Variants in COL15A1 observed in about 807,000 individuals in gnomAD.
COL15A1 encodes the protein collagen alpha-1(XV) chain.
COL15A1 carries 111 observed loss-of-function variants against 165.9 expected under a neutral mutation model. The observed-to-expected ratio is 0.67, with a 90% CI of 0.57 to 0.78. COL15A1 has a LOEUF of 0.78. COL15A1 is among the 30% of genes least tolerant of loss of function. The pLI is 0.00. For synonymous variants in COL15A1, 659 were observed against 674.8 expected (o/e 0.98, Z 0.36); for missense variants, 1,745 against 1,789.7 (o/e 0.98, Z 0.45).
intron 39 of COL15A1, among the ~76,000 whole-genome samples, chr9:99,063,949 T>A (rs1294052571): frequency 6.6e-6 from 1 of 152,126 alleles, no homozygotes; most frequent in African/African-American, 2.4e-5. Context: ...GTCTCTCTAT[T>A]CCTTTGCTAG....
intron 2 of COL15A1, among the ~76,000 whole-genome samples, chr9:98,971,180 T>C (rs1838044456): frequency 1.3e-5 from 2 of 152,290 alleles, no homozygotes; most frequent in Admixed American, 1.3e-4. Flanking sequence ...CTGTGTCGCC[T>C]TGGAATGCTG....
rs974480059 is a variant in COL15A1, at chr9:98,985,741, A to G, written c.277A>G (p.Ile93Val). 1.2e-5 allele frequency: 19 copies of G among 1,614,078 alleles called. No individual in the cohort carries two copies. Among genetic ancestry groups the G allele is most frequent in the East Asian group, 4.5e-5 (2 of 44,898 alleles). Residue 93 changes from isoleucine to valine, a missense_variant, in exon 3 of 42, where the codon ATC becomes GTC. Ile to Val is a conservative substitution (Grantham distance 29, BLOSUM62 3). Coordinates refer to ENST00000375001, the MANE Select transcript of COL15A1 (RefSeq NM_001855.5). ...ATCCACCTTCTTCAGGGACTTCGCC[A>G]TCAGCGTCGTGGTGAAGCCCAGCAG... ...IPSTFFRDFA[I>V]SVVVKPSSTR...
Position 99,034,600 on chromosome 9 carries a change from A to G in COL15A1, c.2079+16A>G, listed in dbSNP as rs1305845766. The G allele has an allele frequency of 5.4e-6, 8 of 1,476,898 alleles. No homozygotes were observed. The African/African-American group carries it at 1.1e-4, about 21-fold the overall frequency. The allele number at this position is 1,476,898 out of a possible 1,614,324, so 91.5% of individuals were successfully genotyped here. ...TGGTGAAAAGGTAAAAAAAAAAAAA[A>G]AAAAAAAAAAAAAAGAACTTTCTTC... On this transcript the variant is annotated intron_variant, in intron 17 of 41. Coordinates refer to ENST00000375001, the MANE Select transcript of COL15A1 (RefSeq NM_001855.5).
At chr9:98,984,297 G>A (rs1223342377) in intron 2 of COL15A1, among the ~76,000 whole-genome samples, 1 of 152,230 alleles carries the variant, frequency 6.6e-6, no homozygotes, top group Non-Finnish European at 1.5e-5. Flanking sequence ...GTGGGTGCAT[G>A]TTGCTGCAAG....
Position 99,017,729 on chromosome 9 carries a change from C to T in COL15A1, c.1647+1610C>T, listed in dbSNP as rs111451166. 2.2e-4 allele frequency among the ~76,000 whole-genome samples: 33 copies of T among 152,124 alleles called. 1 individual carries two copies. Among genetic ancestry groups the T allele is most frequent in the African/African-American group, 7.7e-4 (32 of 41,406 alleles). On this transcript the variant is annotated intron_variant, in intron 11 of 41. Coordinates refer to ENST00000375001, the MANE Select transcript of COL15A1 (RefSeq NM_001855.5). ...GTCCCCCTGCTCTTCTGCACCTCAC[C>T]CCAAGGTATACACAAAGCACCAAGT...
intron 6 of COL15A1, among the ~76,000 whole-genome samples, chr9:98,999,857 G>GTTT (rs201063548): frequency 1.5e-5 from 2 of 134,056 alleles, no homozygotes; most frequent in African/African-American, 2.8e-5. Flanking sequence ...ATCCATTTGC[G>GTTT]TTTTTTTTTT....
chr9:99,046,316 C>T (rs963778473), intron 26 of COL15A1, among the ~76,000 whole-genome samples: 1 of 152,216 alleles, frequency 6.6e-6, no homozygotes, highest in Non-Finnish European at 1.5e-5. Context: ...GTAGACCATG[C>T]ACCAGCATCA....
chr9:99,021,724 C>A (rs1237534110), intron 12 of COL15A1, among the ~76,000 whole-genome samples: 1 of 152,188 alleles, frequency 6.6e-6, no homozygotes, highest in Non-Finnish European at 1.5e-5. Flanking sequence ...GTGAGAGGAG[C>A]AGGTGGGCAG....
Position 99,063,036 on chromosome 9 carries a change from C to G in COL15A1, c.3592-14C>G. ...CATATTCAGAACTGTTTCTTTTCCT[C>G]CTTTTCATAACAGCCACATCAGCTT... is the stretch of plus-strand genomic sequence containing the variant. On this transcript the variant is annotated splice_polypyrimidine_tract_variant and intron_variant, in intron 38 of 41. Coordinates refer to ENST00000375001, the MANE Select transcript of COL15A1 (RefSeq NM_001855.5). 5 of 1,594,720 alleles carry G rather than the reference C, an allele frequency of 3.1e-6. No homozygotes were observed. The highest frequency in any genetic ancestry group is 4.3e-6 in the Non-Finnish European group (5 of 1,173,410).
intron 24 of COL15A1, 106 bp from the exon 25 acceptor site, chr9:99,044,462 C>G (rs1343646845): frequency 2.0e-6 from 2 of 990,988 alleles, no homozygotes; most frequent in Admixed American, 1.8e-5. Flanking sequence ...CTGCAGGACT[C>G]AGAGGTCTCT....
chr9:98,985,671 C>A lies in COL15A1; in HGVS notation c.207C>A (p.Phe69Leu). Residue 69 changes from phenylalanine (F) to leucine (L), a missense_variant, in exon 3 of 42, where the codon TTC (phenylalanine) becomes TTA (leucine). Physicochemically the swap from Phe to Leu is conservative, Grantham distance 22 (BLOSUM62 0). Transcript: ENST00000375001. ...TGYGGFPAYSFGPGANVGRPA... is the reference protein window; with the variant it reads ...TGYGGFPAYSLGPGANVGRPA... ...ATGGTGGCTTCCCGGCCTACAGTTT[C>A]GGGCCTGGTGCCAATGTTGGCCGCC... 6.2e-7 allele frequency: 1 copy of A among 1,614,238 alleles called. No individual in the cohort carries two copies. The highest frequency in any genetic ancestry group is 8.5e-7 in the Non-Finnish European group (1 of 1,180,048).
At position 99,030,249 on chromosome 9, in the gene COL15A1, C is replaced by T. The variant is rs954408091; in HGVS notation, c.2043+4283C>T. On this transcript the variant is annotated intron_variant, in intron 16 of 41. Coordinates refer to ENST00000375001, the MANE Select transcript of COL15A1 (RefSeq NM_001855.5). ...CAATGTTTCCATTAGTGAACTGATACCTTCATATTTCATCACTTTTAAAAC... is the reference window on the plus strand; with the variant it reads ...CAATGTTTCCATTAGTGAACTGATATCTTCATATTTCATCACTTTTAAAAC... Among the ~76,000 whole-genome samples the T allele has an allele frequency of 2.2e-4, 33 of 152,136 alleles. 1 individual carries two copies. The highest frequency in any genetic ancestry group is 2.1e-3 in the Admixed American group (32 of 15,258).
intron 39 of COL15A1, among the ~76,000 whole-genome samples, chr9:99,065,753 C>A (rs1274504183): frequency 4.7e-5 from 7 of 149,914 alleles, no homozygotes; most frequent in Admixed American, 1.3e-4. Flanking sequence ...CTGTCCTCTG[C>A]AGGAAGGAAA....
chr9:98,978,837 C>G (rs1838186566), intron 2 of COL15A1, among the ~76,000 whole-genome samples: 1 of 152,040 alleles, frequency 6.6e-6, no homozygotes, highest in Non-Finnish European at 1.5e-5. Flanking sequence ...AGTCTCCCAG[C>G]CCCCAGCCAC....
At chr9:98,992,764 C>A (rs980253014) in intron 5 of COL15A1, among the ~76,000 whole-genome samples, 2 of 152,228 alleles carry the variant, frequency 1.3e-5, no homozygotes, top group Admixed American at 1.3e-4. Context: ...AGGTGGGGTG[C>A]CTCTTCCAGG....
rs112255768 is a variant in COL15A1 at position 99,035,037 on chromosome 9, A to T, written c.2103A>T (p.Leu701Phe). The change falls in exon 18 of 42, where the codon TTA becomes TTT. Residue 701 changes from leucine to phenylalanine, a missense_variant. Transcript: ENST00000375001. Reference sequence around the variant, plus strand: ...AGGGTGACCCTGGCAACAGAGGCTTACCTGGACCCCCGGGGAAAAAGGGAC... The same window carrying T: ...AGGGTGACCCTGGCAACAGAGGCTTTCCTGGACCCCCGGGGAAAAAGGGAC... ...GEKGDPGNRGLPGPPGKKGQA... is the reference protein window; with the variant it reads ...GEKGDPGNRGFPGPPGKKGQA... The T allele has an allele frequency of 6.2e-7, 1 of 1,613,200 alleles. No homozygotes were observed. Among genetic ancestry groups the T allele is most frequent in the Admixed American group, 1.7e-5 (1 of 60,022 alleles).
intron 2 of COL15A1, among the ~76,000 whole-genome samples, chr9:98,974,789 C>A (rs948962376): frequency 8.5e-5 from 13 of 152,352 alleles, no homozygotes; most frequent in African/African-American, 3.1e-4. Context: ...CACCGTGGCC[C>A]CGTTTAAGCT....
At chr9:98,993,574 G>C (rs973023841) in intron 5 of COL15A1, among the ~76,000 whole-genome samples, 3 of 152,182 alleles carry the variant, frequency 2.0e-5, no homozygotes, top group African/African-American at 7.2e-5. Context: ...CTCATTTGCA[G>C]GGAGGTGTTT....
intron 2 of COL15A1, among the ~76,000 whole-genome samples, chr9:98,954,411 A>C (rs1160026196): frequency 1.3e-5 from 2 of 152,166 alleles, no homozygotes; most frequent in East Asian, 3.8e-4. Context: ...TATGAACAGA[A>C]CATTCTGTAC....
Sources: gnomAD v4.1 joint callset for allele counts (sites outside exome capture counted in the v4.1 genomes callset) on GRCh38, gnomAD v4.1.1 for gene constraint, MANE v1.5 for transcripts, NCBI Gene and HGNC (gene_info 2026-07-23, HGNC 2026-07-21) for gene names.